The following THADA variants were observed in gnomAD, a reference collection of about 807,000 sequenced individuals.
THADA encodes the protein tRNA (32-2'-O)-methyltransferase regulator THADA.
THADA carries 213 observed loss-of-function variants against 219.8 expected under a neutral mutation model. The ratio of observed to expected loss-of-function variants is 0.97; its 90% CI spans 0.87 to 1.09. THADA has a LOEUF of 1.09. Ranked by LOEUF, THADA falls within the 50% of genes least tolerant of loss-of-function variation. THADA has a pLI of 0.00. For missense variants in THADA, 2,956 were observed against 2,311.3 expected (o/e 1.28, Z -5.72); for synonymous variants, 1,018 against 828.9 (o/e 1.23, Z -3.92).
At chr2:43,361,447 G>C (rs189657411) in intron 29 of THADA, among the ~76,000 whole-genome samples, 2 of 152,178 alleles carry the variant, frequency 1.3e-5, no homozygotes, top group Admixed American at 1.3e-4. Context: ...TGCAACTGAC[G>C]GCATCTCTCA....
At chr2:43,486,397 T>C (rs1472597196) in intron 25 of THADA, 1 of 152,158 alleles carries the variant, frequency 6.6e-6, no homozygotes, top group Non-Finnish European at 1.5e-5. Context: ...CTTCCTCAAT[T>C]ACTCTGTAAA....
chr2:43,399,276 G>C (rs1206222413), intron 28 of THADA, among the ~76,000 whole-genome samples: 2 of 152,182 alleles, frequency 1.3e-5, no homozygotes, highest in African/African-American at 4.8e-5. Context: ...GACTCTGTAG[G>C]GGAAAAGAGA....
chr2:43,279,775 G>A lies in THADA; in HGVS notation c.5286C>T (p.Cys1762=). ...VTTAMSQENT[C]QSTEFAFCQV... ...ATAAGAACGAGGTACCTGTTGACTG[G>A]CAGGTATTTTCTTGTGACATGGCAG... Residue 1762 remains cysteine (C), a synonymous_variant, in exon 36 of 38, where the codon TGC becomes TGT. Transcript: ENST00000405975. The A allele has an allele frequency of 6.5e-7, 1 of 1,548,942 alleles. No individual in the cohort carries two copies. Among genetic ancestry groups the A allele is most frequent in the Non-Finnish European group, 8.7e-7 (1 of 1,146,108 alleles).
chr2:43,324,958 A>G (rs2104476261), intron 30 of THADA, among the ~76,000 whole-genome samples: 1 of 152,346 alleles, frequency 6.6e-6, no homozygotes, highest in East Asian at 1.9e-4. Context: ...TCGAAGGAGG[A>G]GAAGGAATCC....
At chr2:43,324,178 G>A (rs967345901) in intron 30 of THADA, among the ~76,000 whole-genome samples, 2 of 152,210 alleles carry the variant, frequency 1.3e-5, no homozygotes, top group African/African-American at 4.8e-5. Flanking sequence ...GTTTCCATGA[G>A]ATTTTCAGCT....
At chr2:43,454,702 G>A (rs190829960) in intron 26 of THADA, among the ~76,000 whole-genome samples, 21 of 152,120 alleles carry the variant, frequency 1.4e-4, no homozygotes, top group South Asian at 1.2e-3. Flanking sequence ...CTTAGGTGCT[G>A]TATTCATGTA....
At chr2:43,510,397 G>C (rs1690259757) in intron 22 of THADA, among the ~76,000 whole-genome samples, 2 of 151,942 alleles carry the variant, frequency 1.3e-5, no homozygotes, top group Non-Finnish European at 2.9e-5. Context: ...TATGTGTTTG[G>C]AATTTTTCAT....
In THADA at chr2:43,476,166, C is replaced by T. The variant is rs185200411; in HGVS notation, c.3836+9068G>A. On this transcript the variant is annotated intron_variant, in intron 26 of 37. Transcript: ENST00000405975. The stretch of plus-strand genomic sequence containing the variant: ...AAGCTGGGCCATGCTAAGATGTTAA[C>T]TCTGGCCAACAAGATATGAAGAAAA... Among the ~76,000 whole-genome samples, 685 of 152,288 alleles carry T rather than the reference C, an allele frequency of 4.5e-3. 2 individuals carry two copies. The highest frequency in any genetic ancestry group is 0.016 in the African/African-American group (653 of 41,562).
At chr2:43,566,583 A>T in intron 15 of THADA, 115 bp downstream of exon 15, 1 of 1,119,584 alleles carries the variant, frequency 8.9e-7, no homozygotes, top group Non-Finnish European at 1.3e-6. Flanking sequence ...ATAAGGTAAG[A>T]ATGAAACCTC....
chr2:43,290,696 G>A (rs1211304474), intron 34 of THADA, among the ~76,000 whole-genome samples: 3 of 152,104 alleles, frequency 2.0e-5, no homozygotes, highest in Non-Finnish European at 4.4e-5. Flanking sequence ...TAAGGGCTCA[G>A]GGTCCACAAT....
intron 22 of THADA, among the ~76,000 whole-genome samples, chr2:43,520,334 C>T (rs1291861464): frequency 1.3e-5 from 2 of 152,246 alleles, no homozygotes; most frequent in South Asian, 2.1e-4. Flanking sequence ...AAAATTGCAA[C>T]CTTCTTAAAA....
intron 26 of THADA, among the ~76,000 whole-genome samples, chr2:43,452,179 A>G (rs1485604625): frequency 6.6e-6 from 1 of 152,218 alleles, no homozygotes; most frequent in Non-Finnish European, 1.5e-5. Flanking sequence ...AGACTAATTT[A>G]GCATAAGGTC....
In THADA at chr2:43,428,165, G is replaced by C. The variant is rs201128133; in HGVS notation, c.3993C>G (p.Tyr1331Ter). The stretch of plus-strand genomic sequence containing the variant: ...AAGAAGTACCATCCATCGGGGAAGC[G>C]TAGAGTCTCTCCAACACCAAAAGTA... ...FLLLLVLERL[Y>*]ASPMDGTSSA... Residue 1331 changes from tyrosine (Y) to a stop codon, truncating the protein, a stop_gained, in exon 28 of 38, where the codon TAC (tyrosine) becomes TAG (stop). Coordinates refer to ENST00000405975, the MANE Select transcript of THADA (RefSeq NM_022065.5). LOFTEE classifies it high-confidence loss of function. 6.2e-7 allele frequency: 1 copy of C among 1,609,756 alleles called. No homozygotes were observed. The highest frequency in any genetic ancestry group is 1.3e-5 in the African/African-American group (1 of 74,898).
chr2:43,433,384 C>T (rs772828380), intron 26 of THADA, among the ~76,000 whole-genome samples: 2 of 151,880 alleles, frequency 1.3e-5, no homozygotes, highest in Non-Finnish European at 2.9e-5. Flanking sequence ...ATAAAATTAG[C>T]CGGGTGTGGC....
Position 43,499,575 on chromosome 2 carries a change from A to T in THADA, c.3622-620T>A, listed in dbSNP as rs531994736. Among the ~76,000 whole-genome samples, 87 of 152,118 alleles carry T rather than the reference A, an allele frequency of 5.7e-4. 1 individual carries two copies. Among genetic ancestry groups the T allele is most frequent in the Admixed American group, 1.4e-3 (21 of 15,282 alleles). ...TATAATTAGTAGAGACAGGGTTTCA[A>T]CATGTTGGCCAGGCTGGTCTTGAAC... On this transcript the variant is annotated intron_variant, in intron 24 of 37. Coordinates refer to ENST00000405975, the MANE Select transcript of THADA (RefSeq NM_022065.5).
intron 28 of THADA, among the ~76,000 whole-genome samples, chr2:43,404,481 C>T (rs1675292204): frequency 6.6e-6 from 1 of 151,764 alleles, no homozygotes; most frequent in Non-Finnish European, 1.5e-5. Flanking sequence ...GCATGAGCCA[C>T]CATGCCTGGC....
chr2:43,272,403 G>A (rs960370940), intron 36 of THADA, among the ~76,000 whole-genome samples: 6 of 152,214 alleles, frequency 3.9e-5, no homozygotes, highest in Admixed American at 6.5e-5. Flanking sequence ...GGCTGTAGAA[G>A]TCTGGGGAGA....
intron 30 of THADA, among the ~76,000 whole-genome samples, chr2:43,340,235 G>A (rs1666927687): frequency 6.6e-6 from 1 of 152,202 alleles, no homozygotes; most frequent in Non-Finnish European, 1.5e-5. Context: ...TGACATCCTG[G>A]AATGAAAAGC....
chr2:43,305,971 T>TTCTCTCTC (rs139495565), intron 31 of THADA, among the ~76,000 whole-genome samples: 1 of 105,490 alleles, frequency 9.5e-6, no homozygotes, highest in African/African-American at 3.6e-5. Flanking sequence ...CCTCCCTCCC[T>TTCTCTCTC]TCTCTCTCTC....
Sources: gnomAD v4.1 joint callset for allele counts (sites outside exome capture counted in the v4.1 genomes callset) on GRCh38, gnomAD v4.1.1 for gene constraint, MANE v1.5 for transcripts, NCBI Gene and HGNC (gene_info 2026-07-23, HGNC 2026-07-21) for gene names.